TBC1D5: variants seen among roughly 807,000 people sequenced by gnomAD.
TBC1D5 encodes TBC1 domain family, member 5.
A neutral mutation model predicts 100.3 loss-of-function variants in TBC1D5; 75 were observed. That is an observed-to-expected ratio of 0.75 (90% confidence interval 0.62 to 0.91). The LOEUF is 0.91. Among genes scored for constraint, TBC1D5 ranks in the 40% least tolerant of loss-of-function variants. TBC1D5 has a pLI of 0.00. For synonymous variants in TBC1D5, 323 were observed against 325.6 expected, an observed-to-expected ratio of 0.99 and a Z score of 0.09; for missense variants, 910 against 942.4, an observed-to-expected ratio of 0.97 and a Z score of 0.45.
intron 4 of TBC1D5, among the ~76,000 whole-genome samples, chr3:17,426,748 A>G (rs1376844122): frequency 6.6e-6 from 1 of 152,066 alleles, no homozygotes; most frequent in East Asian, 1.9e-4. Flanking sequence ...CTATACCTTC[A>G]CATGAAAACA....
chr3:17,341,595 G>A, intron 13 of TBC1D5, among the ~76,000 whole-genome samples: 1 of 152,270 alleles, frequency 6.6e-6, no homozygotes, highest in East Asian at 1.9e-4. Context: ...AGAGTAAGGA[G>A]TAGAGTTGGG....
chr3:17,381,622 G>T (rs1030232013), intron 9 of TBC1D5, among the ~76,000 whole-genome samples: 1 of 151,932 alleles, frequency 6.6e-6, no homozygotes, highest in African/African-American at 2.4e-5. Context: ...TTTAAACGGG[G>T]TCTTCTGCTA....
At chr3:17,254,721 G>A (rs898191683) in intron 16 of TBC1D5, among the ~76,000 whole-genome samples, 3 of 129,612 alleles carry the variant, frequency 2.3e-5, no homozygotes, top group African/African-American at 5.9e-5. Flanking sequence ...TTTGTTTCCC[G>A]TATAAGAAAT....
intron 2 of TBC1D5, among the ~76,000 whole-genome samples, chr3:17,594,239 C>T (rs2060420786): frequency 6.6e-6 from 1 of 152,152 alleles, no homozygotes; most frequent in South Asian, 2.1e-4. Flanking sequence ...GTGTACTACT[C>T]CACAACAGAG....
At position 17,262,312 on chromosome 3, in the gene TBC1D5, A is replaced by G. The variant is rs889508531; in HGVS notation, c.1246-3721T>C. ...TGGTATTTGTGTACTTAAACATATT[A>G]AAACAGAAAAGGTACAGTAAAAACA... On this transcript the variant is annotated intron_variant, in intron 15 of 21. Coordinates refer to ENST00000253692, the Ensembl canonical transcript of TBC1D5. Among the ~76,000 whole-genome samples the G allele has an allele frequency of 6.6e-5, 10 of 152,164 alleles. No homozygotes were observed. The South Asian group carries it at 2.1e-3, about 32-fold the overall frequency.
At chr3:17,739,566 G>T (rs1313931030) in exon 1 of TBC1D5, 4 of 152,244 alleles carry the variant, frequency 2.6e-5, no homozygotes, top group Non-Finnish European at 5.9e-5. Context: ...TTCAGAGGAA[G>T]TAGATACTTT....
At chr3:17,680,834 T>G (rs1194421000) in intron 1 of TBC1D5, among the ~76,000 whole-genome samples, 1 of 151,390 alleles carries the variant, frequency 6.6e-6, no homozygotes, top group African/African-American at 2.5e-5. Context: ...CTTTTTTGTT[T>G]GCAAACTCTA....
At chr3:17,261,663 A>C (rs910760157) in intron 15 of TBC1D5, among the ~76,000 whole-genome samples, 1 of 152,016 alleles carries the variant, frequency 6.6e-6, no homozygotes, top group Non-Finnish European at 1.5e-5. Context: ...TTGGGACTAC[A>C]CGCATGCACC....
At chr3:17,706,445 G>A (rs1462328314) in intron 1 of TBC1D5, among the ~76,000 whole-genome samples, 7 of 150,500 alleles carry the variant, frequency 4.7e-5, no homozygotes, top group Admixed American at 2.0e-4. Flanking sequence ...ACACACGCGC[G>A]CGCACACCCC....
intron 2 of TBC1D5, among the ~76,000 whole-genome samples, chr3:17,566,819 T>A (rs1421440032): frequency 1.3e-5 from 2 of 151,878 alleles, no homozygotes; most frequent in Non-Finnish European, 3.0e-5. Flanking sequence ...CCTTTCTATT[T>A]AGTTGACATT....
chr3:17,230,565 A>G (rs2075326272), intron 17 of TBC1D5, among the ~76,000 whole-genome samples: 1 of 152,148 alleles, frequency 6.6e-6, no homozygotes, highest in Admixed American at 6.6e-5. Flanking sequence ...AAGAATATCA[A>G]CAGTGGTTAC....
rs187258711 is a variant in TBC1D5, at chr3:17,252,026, T to G, written c.1331+6480A>C. 4.0e-3 allele frequency among the ~76,000 whole-genome samples: 616 copies of G among 152,350 alleles called. 1 individual carries two copies. Among genetic ancestry groups the G allele is most frequent in the Non-Finnish European group, 6.3e-3 (430 of 68,022 alleles). ...GCAATCTCCTACACTAAGAGTAGAA[T>G]CTCATATTTTCTTTATTCCAGAACA... On this transcript the variant is annotated intron_variant, in intron 16 of 21. Coordinates refer to ENST00000253692, the Ensembl canonical transcript of TBC1D5.
intron 1 of TBC1D5, among the ~76,000 whole-genome samples, chr3:17,701,186 G>A (rs2073134055): frequency 1.3e-5 from 2 of 152,122 alleles, no homozygotes; most frequent in African/African-American, 2.4e-5. Flanking sequence ...GCAGGGACAT[G>A]GATGAAGCTG....
intron 12 of TBC1D5, among the ~76,000 whole-genome samples, chr3:17,372,748 G>T (rs2092528377): frequency 6.6e-6 from 1 of 152,122 alleles, no homozygotes; most frequent in Non-Finnish European, 1.5e-5. Flanking sequence ...ATAAGTCTAT[G>T]ACTTCATCAC....
intron 13 of TBC1D5, among the ~76,000 whole-genome samples, chr3:17,344,050 G>C (rs2089458502): frequency 6.6e-6 from 1 of 151,872 alleles, no homozygotes; most frequent in Non-Finnish European, 1.5e-5. Flanking sequence ...TCTTTTAATT[G>C]TGATGTTAGG....
intron 3 of TBC1D5, among the ~76,000 whole-genome samples, chr3:17,455,324 G>A (rs1397769139): frequency 1.6e-3 from 213 of 133,258 alleles, no homozygotes; most frequent in African/African-American, 6.7e-3. Context: ...ATGTGTATAT[G>A]TGTATATATG....
chr3:17,620,193 T>C (rs1421388477), intron 2 of TBC1D5, among the ~76,000 whole-genome samples: 1 of 152,200 alleles, frequency 6.6e-6, no homozygotes, highest in East Asian at 1.9e-4. Context: ...GATTGGAGTG[T>C]AATAGCTCAC....
At chr3:17,192,133 C>T (rs2070002414) in intron 18 of TBC1D5, among the ~76,000 whole-genome samples, 1 of 151,616 alleles carries the variant, frequency 6.6e-6, no homozygotes, top group Non-Finnish European at 1.5e-5. Flanking sequence ...TTTTTCTCTC[C>T]TTTTTGCTAA....
At chr3:17,322,751 G>A (rs2085587095) in intron 13 of TBC1D5, among the ~76,000 whole-genome samples, 1 of 152,014 alleles carries the variant, frequency 6.6e-6, no homozygotes, top group African/African-American at 2.4e-5. Context: ...GCATATGAAG[G>A]GTAAACTTCT....
Sources: gnomAD v4.1 joint callset for allele counts (sites outside exome capture counted in the v4.1 genomes callset) on GRCh38, gnomAD v4.1.1 for gene constraint, MANE v1.5 for transcripts, NCBI Gene and HGNC (gene_info 2026-07-23, HGNC 2026-07-21) for gene names.